PTPRD: variants seen among roughly 807,000 people sequenced by gnomAD.
PTPRD encodes the protein receptor-type tyrosine-protein phosphatase delta.
Under a neutral mutation model 214.5 loss-of-function variants are expected in PTPRD, and 34 were observed. The ratio of observed to expected loss-of-function variants is 0.16; its 90% CI spans 0.12 to 0.21. The LOEUF is 0.21. PTPRD is among the 10% of genes least tolerant of loss of function. PTPRD has a pLI of 1.00. For synonymous variants in PTPRD, 1,128 were observed against 845.7 expected, an observed-to-expected ratio of 1.33 and a Z score of -5.79; for missense variants, 2,545 against 2,398.7, an observed-to-expected ratio of 1.06 and a Z score of -1.27.
intron 7 of PTPRD, among the ~76,000 whole-genome samples, chr9:9,690,061 C>T (rs2097240262): frequency 6.6e-6 from 1 of 151,870 alleles, no homozygotes; most frequent in Non-Finnish European, 1.5e-5. Flanking sequence ...TTTGAGGACC[C>T]TCCATACTAT....
Position 8,518,368 on chromosome 9 carries a change from C to G in PTPRD, c.1023G>C (p.Leu341=), listed in dbSNP as rs1047278793. 1 of 1,613,992 alleles carries G rather than the reference C, an allele frequency of 6.2e-7. No homozygotes were observed. Among genetic ancestry groups the G allele is most frequent in the Non-Finnish European group, 8.5e-7 (1 of 1,179,946 alleles). Residue 341 remains leucine (L), a synonymous_variant, in exon 21 of 46, where the codon CTG becomes CTC. Coordinates refer to ENST00000381196, the MANE Select transcript of PTPRD (RefSeq NM_002839.4). ...VTESTATSIT[L]TWDSGNPEPV... is the part of the protein sequence containing the mutation. ...GCTCAGGGTTCCCAGAGTCCCACGT[C>G]AGTGTGATGCTTGTAGCTGTGCTCT...
At chr9:9,918,365 A>AAC (rs1394039219) in intron 5 of PTPRD, among the ~76,000 whole-genome samples, 1 of 150,534 alleles carries the variant, frequency 6.6e-6, no homozygotes, top group Non-Finnish European at 1.5e-5. Context: ...AAAAAAAAAA[A>AAC]AAAAACTCCA....
intron 7 of PTPRD, among the ~76,000 whole-genome samples, chr9:9,712,893 A>G (rs1349065769): frequency 6.6e-6 from 1 of 152,202 alleles, no homozygotes; most frequent in African/African-American, 2.4e-5. Flanking sequence ...TAGTGACAGA[A>G]AGAACTGAAA....
chr9:10,469,703 GCACTCC>G lies in PTPRD; in HGVS notation c.-599-128692_-599-128687del, dbSNP rs370821422. ...AAAACTGCATATAAAAGAGTTGTGTGCACTCCCACGTTTATCACAGCACTATTCACA... is the reference window on the plus strand; with the variant it reads ...AAAACTGCATATAAAAGAGTTGTGTGCACGTTTATCACAGCACTATTCACA... On this transcript the variant is annotated intron_variant, in intron 2 of 45. Transcript: ENST00000381196. Among the ~76,000 whole-genome samples, 336 of 152,156 alleles carry G rather than the reference GCACTCC, an allele frequency of 2.2e-3. 4 individuals carry two copies. Among genetic ancestry groups the G allele is most frequent in the Non-Finnish European group, 2.6e-3 (178 of 68,004 alleles).
intron 4 of PTPRD, among the ~76,000 whole-genome samples, chr9:9,994,168 C>A (rs1026909333): frequency 6.6e-6 from 1 of 152,146 alleles, no homozygotes; most frequent in Non-Finnish European, 1.5e-5. Context: ...TCCATAACCA[C>A]GGACCTAATC....
rs571988837 is a variant in PTPRD at position 10,194,944 on chromosome 9, T to G, written c.-545+146019A>C. On this transcript the variant is annotated intron_variant, in intron 3 of 45. Transcript: ENST00000381196. ...AAATAACAAGGATTTTCATTTAATT[T>G]TTTTTTTTTTTTTTGAGACAGAGTC... Among the ~76,000 whole-genome samples the G allele has an allele frequency of 8.1e-4, 122 of 150,012 alleles. No individual in the cohort carries two copies. The South Asian group carries it at 0.025, about 31-fold the overall frequency.
intron 8 of PTPRD, among the ~76,000 whole-genome samples, chr9:9,481,857 A>G (rs1464906844): frequency 6.6e-6 from 1 of 152,206 alleles, no homozygotes; most frequent in Non-Finnish European, 1.5e-5. Flanking sequence ...AGTTATCTAA[A>G]GAAATACTTT....
intron 5 of PTPRD, among the ~76,000 whole-genome samples, chr9:9,875,051 C>G (rs2066466762): frequency 6.6e-6 from 1 of 152,116 alleles, no homozygotes; most frequent in South Asian, 2.1e-4. Flanking sequence ...CAAGTGAACA[C>G]AATGGATAAG....
intron 2 of PTPRD, among the ~76,000 whole-genome samples, chr9:10,496,204 T>C (rs1281711877): frequency 6.6e-6 from 1 of 151,836 alleles, no homozygotes; most frequent in Non-Finnish European, 1.5e-5. Context: ...ATTTAGGGTA[T>C]TGTTATCTTC....
intron 12 of PTPRD, among the ~76,000 whole-genome samples, chr9:8,680,193 A>G (rs1420506461): frequency 1.3e-5 from 2 of 152,144 alleles, no homozygotes; most frequent in Non-Finnish European, 2.9e-5. Flanking sequence ...ATGAAATTGA[A>G]AAGAAAAATT....
chr9:10,536,872 A>G (rs2057925473), intron 2 of PTPRD, among the ~76,000 whole-genome samples: 1 of 152,166 alleles, frequency 6.6e-6, no homozygotes. Context: ...TTTTAAATCT[A>G]ATTAGTAATT....
chr9:10,598,892 G>A (rs565746724), intron 2 of PTPRD, among the ~76,000 whole-genome samples: 9 of 151,512 alleles, frequency 5.9e-5, no homozygotes, highest in Non-Finnish European at 1.3e-4. Context: ...TTTTTGATAT[G>A]ATGAGGAGTA....
rs1290346421 is a variant in PTPRD at position 8,788,330 on chromosome 9, C to T, written c.-103-54384G>A. ...CGCTTTTGTCGCCCAGGCAGGAGTG[C>T]AATGGCACAATCTCAGCTCACCACA... On this transcript the variant is annotated intron_variant, in intron 11 of 45. Coordinates refer to ENST00000381196, the MANE Select transcript of PTPRD (RefSeq NM_002839.4). 6.2e-5 allele frequency among the ~76,000 whole-genome samples: 8 copies of T among 129,970 alleles called. No individual in the cohort carries two copies. The East Asian group carries it at 1.4e-3, about 23-fold the overall frequency. The allele number at this position is 129,970 out of a possible 152,430, so 85.3% of individuals were successfully genotyped here. A position where few individuals can be genotyped will look rare whatever the true frequency, so the allele number is the denominator to read the frequency against.
chr9:8,573,458 T>A (rs1177839464), intron 14 of PTPRD, among the ~76,000 whole-genome samples: 2 of 151,946 alleles, frequency 1.3e-5, no homozygotes, highest in African/African-American at 4.8e-5. Context: ...CTGGATCATC[T>A]CAAACAATAC....
At chr9:8,673,386 T>A (rs2097328576) in intron 12 of PTPRD, among the ~76,000 whole-genome samples, 1 of 152,214 alleles carries the variant, frequency 6.6e-6, no homozygotes, top group African/African-American at 2.4e-5. Flanking sequence ...GGGTGGTGAC[T>A]GAGTCTATAT....
chr9:10,334,346 A>G (rs1457503591), intron 3 of PTPRD, among the ~76,000 whole-genome samples: 1 of 151,810 alleles, frequency 6.6e-6, no homozygotes, highest in East Asian at 1.9e-4. Flanking sequence ...ACAAAATCCA[A>G]CTTCCACTCA....
At chr9:9,905,584 A>C (rs1000534204) in intron 5 of PTPRD, among the ~76,000 whole-genome samples, 1 of 151,944 alleles carries the variant, frequency 6.6e-6, no homozygotes, top group South Asian at 2.1e-4. Flanking sequence ...TGTGTTCATA[A>C]AAATAATATA....
At chr9:8,566,794 G>T (rs1594034874) in intron 14 of PTPRD, among the ~76,000 whole-genome samples, 1 of 152,126 alleles carries the variant, frequency 6.6e-6, no homozygotes, top group East Asian at 1.9e-4. Context: ...CATAGTTCCA[G>T]CCCATTCCTC....
chr9:8,791,802 G>C (rs1382673100), intron 11 of PTPRD, among the ~76,000 whole-genome samples: 1 of 152,038 alleles, frequency 6.6e-6, no homozygotes, highest in African/African-American at 2.4e-5. Context: ...ATACTAGACA[G>C]GCTAAAAGCT....
Sources: gnomAD v4.1 joint callset for allele counts (sites outside exome capture counted in the v4.1 genomes callset) on GRCh38, gnomAD v4.1.1 for gene constraint, MANE v1.5 for transcripts, NCBI Gene and HGNC (gene_info 2026-07-23, HGNC 2026-07-21) for gene names.